CSMD1: variants seen among roughly 807,000 people sequenced by gnomAD.
CSMD1 encodes CUB and Sushi multiple domains 1, also known as CUB and sushi domain-containing protein 1.
CSMD1 carries 213 observed loss-of-function variants against 417.5 expected under a neutral mutation model. The observed-to-expected ratio is 0.51, with a 90% CI of 0.46 to 0.57. The LOEUF (loss-of-function observed/expected upper bound fraction) is 0.57, where lower values mean the gene tolerates loss of function less well. Among genes scored for constraint, CSMD1 ranks in the 20% least tolerant of loss-of-function variants. The pLI is 0.00. For missense variants in CSMD1, 6,923 were observed against 4,529.7 expected (o/e 1.53, Z -15.17); for synonymous variants, 2,862 against 1,736.8 (o/e 1.65, Z -16.11).
At chr8:3,433,769 G>T (rs963642515) in intron 12 of CSMD1, among the ~76,000 whole-genome samples, 1 of 152,118 alleles carries the variant, frequency 6.6e-6, no homozygotes, top group African/African-American at 2.4e-5. Flanking sequence ...ATTTCCCTAC[G>T]TAAGACTTCA....
rs568150726 is a variant in CSMD1, at chr8:4,027,490, G to A, written c.610+4415C>T. Among the ~76,000 whole-genome samples the A allele has an allele frequency of 4.6e-5, 7 of 152,202 alleles. No homozygotes were observed. The East Asian group carries it at 1.2e-3, about 25-fold the overall frequency. ...TGGGTGAGTTCTCATGAGATATGAT[G>A]GCTTTATAAGGGTCTTTCACCCTTC... On this transcript the variant is annotated intron_variant, in intron 4 of 69. Coordinates refer to ENST00000635120, the MANE Select transcript of CSMD1 (RefSeq NM_033225.6).
intron 1 of CSMD1, among the ~76,000 whole-genome samples, chr8:4,889,126 T>C (rs1474834680): frequency 6.6e-6 from 1 of 152,130 alleles, no homozygotes; most frequent in Non-Finnish European, 1.5e-5. Context: ...AAAGTATCAC[T>C]CACAGTATTT....
At chr8:4,335,084 T>A (rs1800092366) in intron 3 of CSMD1, among the ~76,000 whole-genome samples, 1 of 152,136 alleles carries the variant, frequency 6.6e-6, no homozygotes, top group African/African-American at 2.4e-5. Flanking sequence ...GTACTTTGTG[T>A]AGAGACAGAG....
intron 8 of CSMD1, among the ~76,000 whole-genome samples, chr8:3,590,839 C>A (rs866076960): frequency 5.9e-5 from 9 of 152,168 alleles, no homozygotes; most frequent in South Asian, 4.2e-4. Flanking sequence ...TTAATTCAAT[C>A]TTTTGCTCTC....
rs140807526 is a variant in CSMD1, at chr8:2,949,443, T to C, written c.10315-57A>G. 6.4e-4 allele frequency: 520 copies of C among 815,906 alleles called. 1 individual carries two copies. In the African/African-American group the frequency reaches 8.3e-3, roughly 13 times the overall value. 50.5% of individuals were successfully genotyped at this position (815,906 alleles called of 1,614,324 possible). A position where few individuals can be genotyped will look rare whatever the true frequency, so the allele number is the denominator to read the frequency against. Reference sequence around the variant, plus strand: ...AAAAGGTATACGAAGGGATGAATAATATCCTCTTTTAATATATCTTTTAAT... The same window carrying C: ...AAAAGGTATACGAAGGGATGAATAACATCCTCTTTTAATATATCTTTTAAT... On this transcript the variant is annotated intron_variant, in intron 67 of 69. Coordinates refer to ENST00000635120, the MANE Select transcript of CSMD1 (RefSeq NM_033225.6).
intron 5 of CSMD1, among the ~76,000 whole-genome samples, chr8:3,986,698 C>T (rs1814343300): frequency 6.6e-6 from 1 of 152,096 alleles, no homozygotes; most frequent in South Asian, 2.1e-4. Flanking sequence ...AAGCATTTTA[C>T]CATGGAAAAT....
intron 3 of CSMD1, among the ~76,000 whole-genome samples, chr8:4,271,011 G>A (rs1021547156): frequency 1.3e-5 from 2 of 152,312 alleles, no homozygotes; most frequent in South Asian, 2.1e-4. Flanking sequence ...TGTTATGAGA[G>A]CAGGTCCTAG....
At chr8:4,257,200 G>C (rs957848094) in intron 3 of CSMD1, among the ~76,000 whole-genome samples, 1 of 590 alleles carries the variant, frequency 1.7e-3, no homozygotes, top group Admixed American at 0.021. Context: ...ACATTTTTAA[G>C]CATGAGAGTT....
At chr8:4,253,781 T>C (rs868104877) in intron 3 of CSMD1, among the ~76,000 whole-genome samples, 1 of 151,296 alleles carries the variant, frequency 6.6e-6, no homozygotes, top group Non-Finnish European at 1.5e-5. Context: ...CTGATGAAAA[T>C]TTTGCCTGTA....
intron 1 of CSMD1, among the ~76,000 whole-genome samples, chr8:4,754,742 A>T (rs1468065276): frequency 6.6e-6 from 1 of 152,070 alleles, no homozygotes; most frequent in Non-Finnish European, 1.5e-5. Flanking sequence ...CCAGCTACTC[A>T]GGAGGCTGAG....
intron 1 of CSMD1, among the ~76,000 whole-genome samples, chr8:4,710,738 G>T (rs2617051): frequency 6.6e-6 from 1 of 151,354 alleles, no homozygotes; most frequent in Non-Finnish European, 1.5e-5. Context: ...CCAGCTACTT[G>T]GGAGTCTGAG....
chr8:3,934,124 C>G (rs1329688560), intron 5 of CSMD1, among the ~76,000 whole-genome samples: 1 of 152,064 alleles, frequency 6.6e-6, no homozygotes, highest in Non-Finnish European at 1.5e-5. Context: ...TAAATGATTA[C>G]CCACTTCACA....
chr8:3,626,181 G>C (rs1796484261), intron 7 of CSMD1, among the ~76,000 whole-genome samples: 1 of 152,170 alleles, frequency 6.6e-6, no homozygotes, highest in Non-Finnish European at 1.5e-5. Flanking sequence ...CCTCCGGCTG[G>C]CTCCCGCAAA....
intron 10 of CSMD1, among the ~76,000 whole-genome samples, chr8:3,520,497 T>G (rs1797462929): frequency 6.6e-6 from 1 of 152,074 alleles, no homozygotes; most frequent in Admixed American, 6.5e-5. Context: ...AAATAAAATG[T>G]TTATTATCTT....
intron 51 of CSMD1, among the ~76,000 whole-genome samples, chr8:3,028,816 C>T (rs1349027166): frequency 6.6e-6 from 1 of 152,162 alleles, no homozygotes; most frequent in South Asian, 2.1e-4. Flanking sequence ...GTGCTCTGAA[C>T]AATACTAGCA....
rs1229191688 is a variant in CSMD1 at position 4,828,990 on chromosome 8, T to C, written c.85+165342A>G. 2.0e-5 allele frequency among the ~76,000 whole-genome samples: 3 copies of C among 152,176 alleles called. No homozygotes were observed. The East Asian group carries it at 5.8e-4, about 29-fold the overall frequency. On this transcript the variant is annotated intron_variant, in intron 1 of 69. Coordinates refer to ENST00000635120, the MANE Select transcript of CSMD1 (RefSeq NM_033225.6). ...TAGTAACCTGACACATGATTATTTA[T>C]CAAAACTGCACTAATTATTATTATT...
intron 6 of CSMD1, among the ~76,000 whole-genome samples, chr8:3,732,561 C>A (rs746869431): frequency 6.6e-6 from 1 of 152,184 alleles, no homozygotes; most frequent in Non-Finnish European, 1.5e-5. Context: ...CTACTAAACA[C>A]CCTGACTTTA....
chr8:3,311,599 G>C (rs1034323804), intron 23 of CSMD1, among the ~76,000 whole-genome samples: 2 of 152,212 alleles, frequency 1.3e-5, no homozygotes, highest in East Asian at 1.9e-4. Context: ...ATTTGTGCTA[G>C]TATTGAATAC....
chr8:3,029,772 A>T (rs1810218072), intron 50 of CSMD1, among the ~76,000 whole-genome samples: 1 of 151,988 alleles, frequency 6.6e-6, no homozygotes, highest in Non-Finnish European at 1.5e-5. Flanking sequence ...GGGGTAAATC[A>T]CTTCCACAAA....
Sources: gnomAD v4.1 joint callset for allele counts (sites outside exome capture counted in the v4.1 genomes callset) on GRCh38, gnomAD v4.1.1 for gene constraint, MANE v1.5 for transcripts, NCBI Gene and HGNC (gene_info 2026-07-23, HGNC 2026-07-21) for gene names.